Variants in ZNF747 observed in about 807,000 individuals in gnomAD.
ZNF747 encodes zinc finger protein 747, also known as KRAB domain-containing protein ZNF747.
ZNF747 carries 14 observed loss-of-function variants against 13.4 expected under a neutral mutation model. The ratio of observed to expected loss-of-function variants is 1.04; its 90% confidence interval spans 0.69 to 1.63. ZNF747 has a LOEUF of 1.63. Among genes scored for constraint, ZNF747 ranks in the 40% most tolerant of loss-of-function variants. The pLI, the probability that ZNF747 is intolerant of heterozygous loss-of-function variation, is 0.00. For synonymous variants in ZNF747, 212 were observed against 206.5 expected, an observed-to-expected ratio of 1.03 and a Z score of -0.23; for missense variants, 532 against 477.9, an observed-to-expected ratio of 1.11 and a Z score of -1.05.
At position 30,531,650 on chromosome 16, in the gene ZNF747, CAT is replaced by C. The variant is rs1348829219; in HGVS notation, c.*847_*848del. ...CAAAAAAATTTAAAAATTAGCCAGG[CAT>C]AGTGTTGCCCACCTGTAGTCACAGC... On this transcript the variant is annotated 3_prime_UTR_variant, in exon 3 of 3. Transcript: ENST00000693075. 1.3e-5 allele frequency: 2 copies of C among 152,116 alleles called. No individual in the cohort carries two copies. Among genetic ancestry groups the C allele is most frequent in the Admixed American group, 6.6e-5 (1 of 15,266 alleles). 9.4% of individuals were successfully genotyped at this position (152,116 alleles called of 1,614,324 possible). A position where few individuals can be genotyped will look rare whatever the true frequency, so the allele number is the denominator to read the frequency against.
chr16:30,532,550 G>C lies in ZNF747; in HGVS notation c.945C>G (p.Asp315Glu), dbSNP rs746559619. ...GATACAGCTGGAAGCCCACAGGCGG[G>C]TCCAGGTCCCCGCGGACAGGAGTCA... ...VTLTPVRGDL[D>E]PPVGFQLYPE... Residue 315 changes from aspartate to glutamate, a missense_variant, in exon 3 of 3, where the codon GAC (aspartate) becomes GAG (glutamate). Coordinates refer to ENST00000693075, the MANE Select transcript of ZNF747 (RefSeq NM_001305018.2). 7.5e-6 allele frequency: 12 copies of C among 1,595,572 alleles called. No individual in the cohort carries two copies. The Admixed American group carries it at 2.1e-4, about 27-fold the overall frequency.
chr16:30,533,228 A>C, intron 2 of ZNF747, 77 bp from the exon 3 acceptor site: 2 of 1,587,612 alleles, frequency 1.3e-6, no homozygotes, highest in Admixed American at 3.4e-5. Context: ...GGACAGGGAC[A>C]GGCCTGCTGG....
At chr16:30,533,731 C>T (rs2151219051) in intron 2 of ZNF747, among the ~76,000 whole-genome samples, 1 of 147,652 alleles carries the variant, frequency 6.8e-6, no homozygotes, top group Admixed American at 6.9e-5. Flanking sequence ...AGACCTCTAC[C>T]TCTTTAAAAT....
In ZNF747 at chr16:30,532,966, G is replaced by A. The variant is rs1471656059; in HGVS notation, c.529C>T (p.Arg177Ter). Residue 177 changes from arginine (R) to a stop codon, truncating the protein, a stop_gained, in exon 3 of 3, where the codon CGA becomes TGA. Transcript: ENST00000693075. LOFTEE classifies it low-confidence loss of function (END_TRUNC). Reference protein sequence around the residue: ...PRFFAHPPVPRADQRHGCYVC... With the variant: ...PRFFAHPPVP Reference sequence around the variant, plus strand: ...TAGCAGCCGTGACGCTGGTCAGCTCGGGGGACAGGGGGGTGGGCAAAAAAG... The same window carrying A: ...TAGCAGCCGTGACGCTGGTCAGCTCAGGGGACAGGGGGGTGGGCAAAAAAG... The A allele has an allele frequency of 6.2e-7, 1 of 1,606,378 alleles. No homozygotes were observed. Among genetic ancestry groups the A allele is most frequent in the Non-Finnish European group, 8.5e-7 (1 of 1,178,176 alleles).
In ZNF747 at chr16:30,534,830, C is replaced by A; in HGVS notation, c.-151G>T. 1.7e-6 allele frequency: 2 copies of A among 1,177,690 alleles called. No homozygotes were observed. The highest frequency in any genetic ancestry group is 3.3e-5 in the South Asian group (2 of 60,092). 73.0% of individuals were successfully genotyped at this position (1,177,690 alleles called of 1,614,324 possible). On this transcript the variant is annotated 5_prime_UTR_variant, in exon 1 of 3. Transcript: ENST00000693075. ...GGGCCGATGGCTGCGAGTCCATGGT[C>A]AGAACTGGACGATGTCTTCAAATAA...
In ZNF747 at chr16:30,532,962, G is replaced by C. The variant is rs756670986; in HGVS notation, c.533C>G (p.Ala178Gly). 9 of 1,606,836 alleles carry C rather than the reference G, an allele frequency of 5.6e-6. No homozygotes were observed. The South Asian group carries it at 9.9e-5, about 18-fold the overall frequency. Residue 178 changes from alanine to glycine, a missense_variant, in exon 3 of 3, where the codon GCT becomes GGT. Transcript: ENST00000693075. ...CACGTAGCAGCCGTGACGCTGGTCA[G>C]CTCGGGGGACAGGGGGGTGGGCAAA... is the stretch of plus-strand genomic sequence containing the variant. ...RFFAHPPVPR[A>G]DQRHGCYVCG...
Position 30,534,566 on chromosome 16 carries a change from G to C in ZNF747, c.114C>G (p.Ser38Arg). The C allele has an allele frequency of 6.2e-7, 1 of 1,605,858 alleles. No homozygotes were observed. Among genetic ancestry groups the C allele is most frequent in the Non-Finnish European group, 8.5e-7 (1 of 1,177,066 alleles). The change falls in exon 1 of 3, where the codon AGC becomes AGG. Residue 38 changes from serine (S) to arginine (R), a missense_variant. Ser to Arg is a moderately radical substitution (Grantham distance 110). Transcript: ENST00000693075. ...AGAAGTACACGGCCACGTCGGCGAA[G>C]CTCACGGCCCCGGGCTTTCTCCACT... The part of the protein sequence containing the change: ...GSEWRKPGAV[S>R]FADVAVYFSR...
chr16:30,533,921 C>A (rs906442675), intron 2 of ZNF747, among the ~76,000 whole-genome samples: 3 of 152,040 alleles, frequency 2.0e-5, no homozygotes, highest in Non-Finnish European at 2.9e-5. Flanking sequence ...GCAACAGAGA[C>A]CCTGTCTCTA....
chr16:30,532,880 C>T lies in ZNF747; in HGVS notation c.615G>A (p.Arg205=). Residue 205 remains arginine (R), a synonymous_variant, in exon 3 of 3, where the codon AGG becomes AGA. Coordinates refer to ENST00000693075, the MANE Select transcript of ZNF747 (RefSeq NM_001305018.2). ...CTGCGCAGTGGAAGGGCTTCTCGCC[C>T]CTGTGGCTGTAAATGTGCTCCACCA... ...STLVEHIYSH[R]GEKPFHCADC... is the part of the protein sequence containing the mutation. The T allele has an allele frequency of 6.3e-7, 1 of 1,595,550 alleles. No homozygotes were observed. The highest frequency in any genetic ancestry group is 1.3e-5 in the African/African-American group (1 of 74,842).
rs1415364050 is a variant in ZNF747 at position 30,531,228 on chromosome 16, G to C, written c.*1271C>G. The C allele has an allele frequency of 6.6e-6, 1 of 152,268 alleles. No individual in the cohort carries two copies. The highest frequency in any genetic ancestry group is 1.5e-5 in the Non-Finnish European group (1 of 68,054). The allele number at this position is 152,268 out of a possible 1,614,324, so 9.4% of individuals were successfully genotyped here. On this transcript the variant is annotated 3_prime_UTR_variant, in exon 3 of 3. Coordinates refer to ENST00000693075, the MANE Select transcript of ZNF747 (RefSeq NM_001305018.2). ...GGCTACTCATGCTTGGTCAGGAGCT[G>C]ATGGGATGAGTGGCCGGACCACAGT...
Position 30,534,792 on chromosome 16 carries a change from G to T in ZNF747, c.-113C>A. 1 of 1,406,144 alleles carries T rather than the reference G, an allele frequency of 7.1e-7. No individual in the cohort carries two copies. Among genetic ancestry groups the T allele is most frequent in the Non-Finnish European group, 9.3e-7 (1 of 1,072,934 alleles). 87.1% of individuals were successfully genotyped at this position (1,406,144 alleles called of 1,614,324 possible). A position where few individuals can be genotyped will look rare whatever the true frequency, so the allele number is the denominator to read the frequency against. ...AGAGCCCCCGAAGGCCCACTAGAGG[G>T]GATGGAAACTAAGGGCCGATGGCTG... On this transcript the variant is annotated 5_prime_UTR_variant, in exon 1 of 3. Coordinates refer to ENST00000693075, the MANE Select transcript of ZNF747 (RefSeq NM_001305018.2).
Position 30,533,028 on chromosome 16 carries a change from T to TC in ZNF747, c.466dup (p.Glu156GlyfsTer24), listed in dbSNP as rs1392560296. 1.2e-5 allele frequency: 20 copies of TC among 1,611,784 alleles called. No homozygotes were observed. Among genetic ancestry groups the TC allele is most frequent in the Non-Finnish European group, 1.7e-5 (20 of 1,179,814 alleles). ...CCGGCGCCGGGCCTTGGACAGCTGC[T>TC]CCAACCCGGCAAAGGGGGCTTGGGG... is the stretch of plus-strand genomic sequence containing the variant. On this transcript the variant is annotated frameshift_variant, in exon 3 of 3. Coordinates refer to ENST00000693075, the MANE Select transcript of ZNF747 (RefSeq NM_001305018.2). LOFTEE classifies it low-confidence loss of function (END_TRUNC).
At chr16:30,533,754 A>G (rs1002284318) in intron 2 of ZNF747, among the ~76,000 whole-genome samples, 23 of 129,924 alleles carry the variant, frequency 1.8e-4, no homozygotes, top group African/African-American at 6.3e-4. Context: ...TTTTAATTAA[A>G]AAAAAAAAAA....
rs747850432 is a variant in ZNF747 at position 30,532,563 on chromosome 16, C to A, written c.932G>T (p.Arg311Leu). ...GGLSVTLTPV[R>L]GDLDPPVGFQ... ...GCCCACAGGCGGGTCCAGGTCCCCG[C>A]GGACAGGAGTCAGGGTCACAGACAG... The change falls in exon 3 of 3, where the codon CGC becomes CTC. Residue 311 changes from arginine (R) to leucine (L), a missense_variant. Transcript: ENST00000693075. The A allele has an allele frequency of 6.3e-7, 1 of 1,584,398 alleles. No individual in the cohort carries two copies. The highest frequency in any genetic ancestry group is 1.8e-5 in the Admixed American group (1 of 57,102).
chr16:30,532,553 C>T lies in ZNF747; in HGVS notation c.942G>A (p.Leu314=), dbSNP rs1345675875. ...SVTLTPVRGD[L]DPPVGFQLYP... is the part of the protein sequence containing the mutation. ...ACAGCTGGAAGCCCACAGGCGGGTC[C>T]AGGTCCCCGCGGACAGGAGTCAGGG... is the stretch of plus-strand genomic sequence containing the variant. The change falls in exon 3 of 3, where the codon CTG becomes CTA. Residue 314 remains leucine, a synonymous_variant. Coordinates refer to ENST00000693075, the MANE Select transcript of ZNF747 (RefSeq NM_001305018.2). 2.5e-6 allele frequency: 4 copies of T among 1,589,586 alleles called. No individual in the cohort carries two copies. The highest frequency in any genetic ancestry group is 3.4e-6 in the Non-Finnish European group (4 of 1,170,182).
At position 30,532,842 on chromosome 16, in the gene ZNF747, C is replaced by T. The variant is rs1401456199; in HGVS notation, c.653G>A (p.Gly218Asp). The change falls in exon 3 of 3, where the codon GGC becomes GAC. Residue 218 changes from glycine (G) to aspartate (D), a missense_variant. Physicochemically the swap from Gly to Asp is moderately conservative, Grantham distance 94 (BLOSUM62 -1). Transcript: ENST00000693075. ...GCTCAGGGAGGAAGCGTGGCCGAAGCCCTTGCCGCAGTCTGCGCAGTGGAA... is the reference window on the plus strand; with the variant it reads ...GCTCAGGGAGGAAGCGTGGCCGAAGTCCTTGCCGCAGTCTGCGCAGTGGAA... ...KPFHCADCGK[G>D]FGHASSLSKH... 2 of 1,583,550 alleles carry T rather than the reference C, an allele frequency of 1.3e-6. No homozygotes were observed. Among genetic ancestry groups the T allele is most frequent in the Non-Finnish European group, 1.7e-6 (2 of 1,167,886 alleles).
intron 1 of ZNF747, 48 bp from the exon 2 acceptor site, chr16:30,534,358 C>T (rs527304719): frequency 1.5e-4 from 236 of 1,555,730 alleles, no homozygotes; most frequent in Non-Finnish European, 2.0e-4. Flanking sequence ...GCCGCCTGCC[C>T]GGCCCCGGGG....
At position 30,532,451 on chromosome 16, in the gene ZNF747, G is replaced by A; in HGVS notation, c.*48C>T. On this transcript the variant is annotated 3_prime_UTR_variant, in exon 3 of 3. Coordinates refer to ENST00000693075, the MANE Select transcript of ZNF747 (RefSeq NM_001305018.2). ...CCGCTGCAGAGGTTCGGGCCCCTGA[G>A]CCCATCTCGGGCCGCCCACAATGTC... The A allele has an allele frequency of 6.4e-7, 1 of 1,554,458 alleles. No homozygotes were observed. Among genetic ancestry groups the A allele is most frequent in the Non-Finnish European group, 8.7e-7 (1 of 1,152,624 alleles).
intron 2 of ZNF747, among the ~76,000 whole-genome samples, chr16:30,533,995 C>G (rs1012961335): frequency 6.6e-6 from 1 of 152,172 alleles, no homozygotes; most frequent in African/African-American, 2.4e-5. Flanking sequence ...GACTCAGGGG[C>G]GGGTATGGCA....
Sources: gnomAD v4.1 joint callset for allele counts (sites outside exome capture counted in the v4.1 genomes callset) on GRCh38, gnomAD v4.1.1 for gene constraint, MANE v1.5 for transcripts, NCBI Gene and HGNC (gene_info 2026-07-23, HGNC 2026-07-21) for gene names.